The following TRABD2B variants were observed in gnomAD, a reference collection of about 807,000 sequenced individuals.
TRABD2B encodes the protein TraB domain containing 2B.
TRABD2B carries 14 observed loss-of-function variants against 40.1 expected under a neutral mutation model. The ratio of observed to expected loss-of-function variants is 0.35; its 90% CI spans 0.23 to 0.55. The LOEUF is 0.55. Among genes scored for constraint, TRABD2B ranks in the 20% least tolerant of loss-of-function variants. The probability of loss-of-function intolerance (pLI) is 0.90; values close to 1 mark genes in which losing one functional copy is unlikely to be tolerated. For missense variants in TRABD2B, 541 were observed against 648.6 expected (o/e 0.83, Z 1.80); for synonymous variants, 263 against 277.0 (o/e 0.95, Z 0.50).
chr1:47,809,410 G>A (rs149439867), intron 2 of TRABD2B, among the ~76,000 whole-genome samples: 26 of 152,228 alleles, frequency 1.7e-4, no homozygotes, highest in African/African-American at 5.8e-4. Context: ...TGAGTCGCCC[G>A]TCACAGGACC....
chr1:47,994,730 A>G lies in TRABD2B; in HGVS notation c.103-133T>C. ...CATACACAGGCCGTGGTAAAGAGCC[A>G]GGTCTTTGGAGCCTGAAAGACCCAC... On this transcript the variant is annotated intron_variant, in intron 1 of 6. Coordinates refer to ENST00000606738, the MANE Select transcript of TRABD2B (RefSeq NM_001194986.2). This position sits in a 1 kb window ranked among gnomAD's most constrained non-coding sequence, Gnocchi z 6.7. 1.3e-6 allele frequency: 1 copy of G among 762,808 alleles called. No homozygotes were observed. The highest frequency in any genetic ancestry group is 2.1e-6 in the Non-Finnish European group (1 of 485,434). The allele number at this position is 762,808 out of a possible 1,614,324, so 47.3% of individuals were successfully genotyped here.
intron 2 of TRABD2B, among the ~76,000 whole-genome samples, chr1:47,877,197 GC>G (rs1420200518): frequency 6.6e-6 from 1 of 151,630 alleles, no homozygotes; most frequent in African/African-American, 2.4e-5. Context: ...GTATATTTTG[GC>G]AATGGGGCTG....
At chr1:47,985,472 C>T (rs997643057) in intron 2 of TRABD2B, among the ~76,000 whole-genome samples, 1 of 152,234 alleles carries the variant, frequency 6.6e-6, no homozygotes, top group African/African-American at 2.4e-5. Context: ...TTGGAAAAGC[C>T]CAGGTTCTCC....
At chr1:47,957,690 C>CA (rs1645445162) in intron 2 of TRABD2B, among the ~76,000 whole-genome samples, 1 of 152,058 alleles carries the variant, frequency 6.6e-6, no homozygotes, top group South Asian at 2.1e-4. Context: ...AAAAAGCCTC[C>CA]AAGAAATATG....
At chr1:47,845,883 A>G (rs1354590396) in intron 2 of TRABD2B, among the ~76,000 whole-genome samples, 1 of 152,216 alleles carries the variant, frequency 6.6e-6, no homozygotes, top group African/African-American at 2.4e-5. Flanking sequence ...AAATCCCTAG[A>G]ACAATGCCTG....
At chr1:47,905,555 T>C (rs964625111) in intron 2 of TRABD2B, among the ~76,000 whole-genome samples, 2 of 152,198 alleles carry the variant, frequency 1.3e-5, no homozygotes, top group Non-Finnish European at 2.9e-5. Context: ...CAGCCTCCCA[T>C]GGCTGTGCCT....
chr1:47,810,565 C>T (rs1188520191), intron 2 of TRABD2B, among the ~76,000 whole-genome samples: 2 of 152,176 alleles, frequency 1.3e-5, no homozygotes, highest in African/African-American at 2.4e-5. Context: ...GGGAGTGAGG[C>T]GACGGACCTG....
At chr1:47,929,434 T>C (rs1645011168) in intron 2 of TRABD2B, among the ~76,000 whole-genome samples, 1 of 152,240 alleles carries the variant, frequency 6.6e-6, no homozygotes, top group South Asian at 2.1e-4. Flanking sequence ...CTCTGAACTG[T>C]TAAGCTCCAG....
chr1:47,914,487 C>G (rs1159151007), intron 2 of TRABD2B, among the ~76,000 whole-genome samples: 1 of 152,200 alleles, frequency 6.6e-6, no homozygotes, highest in Non-Finnish European at 1.5e-5. Flanking sequence ...GGAGGGGCTG[C>G]TGGAATGAAT....
At chr1:47,840,738 C>G (rs1280794614) in intron 2 of TRABD2B, among the ~76,000 whole-genome samples, 1 of 152,222 alleles carries the variant, frequency 6.6e-6, no homozygotes, top group Non-Finnish European at 1.5e-5. Context: ...CACTGAGCTT[C>G]TGCCTGAAGT....
At chr1:47,816,800 C>T (rs1570029166) in intron 2 of TRABD2B, among the ~76,000 whole-genome samples, 1 of 152,204 alleles carries the variant, frequency 6.6e-6, no homozygotes, top group South Asian at 2.1e-4. Context: ...GTATTTCATT[C>T]AAATCCTGCC....
intron 2 of TRABD2B, among the ~76,000 whole-genome samples, chr1:47,834,562 A>AACAC (rs1180009571): frequency 7.3e-6 from 1 of 136,422 alleles, no homozygotes; most frequent in Non-Finnish European, 1.5e-5. Flanking sequence ...GATGTGCTCC[A>AACAC]ACACACACAC....
chr1:47,839,067 G>A lies in TRABD2B; in HGVS notation c.667-37448C>T, dbSNP rs568461837. On this transcript the variant is annotated intron_variant, in intron 2 of 6. Transcript: ENST00000606738. ...TGCTGTGATAAGCCACACCCTTGGC[G>A]TCAGGCCTTGTGGGATAGATTGGAA... Among the ~76,000 whole-genome samples, 10 of 152,294 alleles carry A rather than the reference G, an allele frequency of 6.6e-5. No individual in the cohort carries two copies. In the South Asian group the frequency reaches 8.3e-4, roughly 13 times the overall value.
chr1:47,867,302 A>C, intron 2 of TRABD2B, among the ~76,000 whole-genome samples: 1 of 152,152 alleles, frequency 6.6e-6, no homozygotes, highest in South Asian at 2.1e-4. Flanking sequence ...TGAAACTAGG[A>C]GCTGGTGGTG....
chr1:47,963,643 T>C (rs1645555062), intron 2 of TRABD2B, among the ~76,000 whole-genome samples: 1 of 152,226 alleles, frequency 6.6e-6, no homozygotes, highest in Non-Finnish European at 1.5e-5. Context: ...TATTTATTTA[T>C]TTGCTTCCAG....
chr1:47,892,582 C>T (rs937385696), intron 2 of TRABD2B, among the ~76,000 whole-genome samples: 2 of 152,124 alleles, frequency 1.3e-5, no homozygotes, highest in Non-Finnish European at 2.9e-5. Flanking sequence ...AGCCCTGGGA[C>T]CCTCCAGAGT....
At chr1:47,910,325 A>G (rs182123151) in intron 2 of TRABD2B, among the ~76,000 whole-genome samples, 1 of 152,310 alleles carries the variant, frequency 6.6e-6, no homozygotes, top group East Asian at 1.9e-4. Context: ...ATCCTCTAGG[A>G]CAGACTTCCC....
chr1:47,825,711 T>C (rs1645165437), intron 2 of TRABD2B, among the ~76,000 whole-genome samples: 2 of 143,676 alleles, frequency 1.4e-5, no homozygotes, highest in Admixed American at 1.4e-4. Flanking sequence ...TCCCAACCCT[T>C]AGTTCAGGAG....
intron 2 of TRABD2B, among the ~76,000 whole-genome samples, chr1:47,849,572 T>C (rs1645519227): frequency 6.6e-6 from 1 of 152,142 alleles, no homozygotes; most frequent in African/African-American, 2.4e-5. Flanking sequence ...CTACTGTGAG[T>C]GGGCACCTCT....
Sources: allele counts gnomAD v4.1 joint callset (sites outside exome capture counted in the v4.1 genomes callset), GRCh38; gene constraint gnomAD v4.1.1; non-coding constraint Gnocchi (gnomAD v3.1); transcripts MANE v1.5; gene names NCBI Gene and HGNC (gene_info 2026-07-23, HGNC 2026-07-21).